The following DOT1L variants were observed in gnomAD, a reference collection of about 807,000 sequenced individuals.
DOT1L encodes the protein DOT1 like histone lysine methyltransferase.
In DOT1L, 33 loss-of-function variants were observed where a neutral mutation model predicts 153.3. That is an observed-to-expected ratio of 0.22 (90% CI 0.16 to 0.29). The LOEUF is 0.29. Among genes scored for constraint, DOT1L ranks in the 10% least tolerant of loss-of-function variants. The probability of loss-of-function intolerance (pLI) is 1.00; values close to 1 mark genes in which losing one functional copy is unlikely to be tolerated. For missense variants in DOT1L, 1,847 were observed against 2,119.9 expected, an observed-to-expected ratio of 0.87 and a Z score of 2.53; for synonymous variants, 1,135 against 965.1, an observed-to-expected ratio of 1.18 and a Z score of -3.26.
intron 14 of DOT1L, 21 bp from the exon 15 acceptor site, chr19:2,211,078 G>A (rs1361317614): frequency 1.2e-6 from 2 of 1,607,084 alleles, no homozygotes; most frequent in African/African-American, 1.3e-5. Context: ...CTGTGCTGAC[G>A]CCTGCCCTCC....
chr19:2,180,770 C>T lies in DOT1L; in HGVS notation c.125+14C>T. 1 of 1,613,844 alleles carries T rather than the reference C, an allele frequency of 6.2e-7. No homozygotes were observed. Among genetic ancestry groups the T allele is most frequent in the Non-Finnish European group, 8.5e-7 (1 of 1,179,988 alleles). On this transcript the variant is annotated intron_variant, in intron 2 of 27. Coordinates refer to ENST00000398665, the MANE Select transcript of DOT1L (RefSeq NM_032482.3). ...CGAGACCATCCGGTGAGTGCACGGCCTGCAGTGTGTTGTCTTCACAGCCCT... is the reference window on the plus strand; with the variant it reads ...CGAGACCATCCGGTGAGTGCACGGCTTGCAGTGTGTTGTCTTCACAGCCCT...
intron 25 of DOT1L, among the ~76,000 whole-genome samples, chr19:2,224,992 A>G (rs1181241555): frequency 2.6e-5 from 4 of 152,220 alleles, no homozygotes; most frequent in African/African-American, 4.8e-5. Flanking sequence ...CTGGCCTGCA[A>G]TGCTGTGGCA....
At chr19:2,206,643 C>T in intron 9 of DOT1L, 86 bp from the exon 10 acceptor site, 1 of 1,361,202 alleles carries the variant, frequency 7.3e-7, no homozygotes, top group South Asian at 1.2e-5. Context: ...TGTTCCGTGT[C>T]ATTGTTCCTT....
chr19:2,193,616 C>A lies in DOT1L; in HGVS notation c.494-73C>A. ...ATGGCCGCATTCTTGTGGCCTCTGTCTCCGAGCCTAGCACGGCCTCCCGGG... is the reference window on the plus strand; with the variant it reads ...ATGGCCGCATTCTTGTGGCCTCTGTATCCGAGCCTAGCACGGCCTCCCGGG... On this transcript the variant is annotated intron_variant, in intron 5 of 27. Coordinates refer to ENST00000398665, the MANE Select transcript of DOT1L (RefSeq NM_032482.3). The surrounding 1 kb of genome is among the most constrained non-coding windows in gnomAD (Gnocchi z 5.9). 1 of 1,478,116 alleles carries A rather than the reference C, an allele frequency of 6.8e-7. No homozygotes were observed. Among genetic ancestry groups the A allele is most frequent in the South Asian group, 1.2e-5 (1 of 85,350 alleles). The allele number at this position is 1,478,116 out of a possible 1,614,324, so 91.6% of individuals were successfully genotyped here.
At position 2,210,626 on chromosome 19, in the gene DOT1L, T is replaced by C; in HGVS notation, c.1122T>C (p.Ser374=). ...VAGPADAPMD[S]GAEEEKAGAA... The stretch of plus-strand genomic sequence containing the variant: ...TCTTCCCTTGTGTCCTCCAGGACTC[T>C]GGTGCTGAGGAAGAGAAGGCGGGAG... The change falls in exon 14 of 28, where the codon TCT becomes TCC. Residue 374 remains serine (S), a synonymous_variant. Coordinates refer to ENST00000398665, the MANE Select transcript of DOT1L (RefSeq NM_032482.3). The C allele has an allele frequency of 2.5e-6, 4 of 1,612,458 alleles. No individual in the cohort carries two copies. Among genetic ancestry groups the C allele is most frequent in the Middle Eastern group, 1.6e-4 (1 of 6,062 alleles).
chr19:2,218,491 T>G (rs1025829234), intron 22 of DOT1L, among the ~76,000 whole-genome samples: 25 of 151,910 alleles, frequency 1.6e-4, no homozygotes, highest in South Asian at 2.1e-4. Context: ...CCTCCCGGGT[T>G]CACGCCATTC....
At chr19:2,229,578 T>G in intron 27 of DOT1L, 9 of 985,456 alleles carry the variant, frequency 9.1e-6, no homozygotes, top group Non-Finnish European at 1.1e-5. Flanking sequence ...TTGGCCGGCG[T>G]GTCCAGGTGT....
intron 1 of DOT1L, among the ~76,000 whole-genome samples, chr19:2,174,240 T>TGAGTCC (rs1242484561): frequency 6.6e-6 from 1 of 152,234 alleles, no homozygotes; most frequent in Non-Finnish European, 1.5e-5. Flanking sequence ...TGTGGAGGTC[T>TGAGTCC]GAGTCCCCTT....
At chr19:2,181,976 G>A (rs1055191619) in intron 2 of DOT1L, among the ~76,000 whole-genome samples, 2 of 152,092 alleles carry the variant, frequency 1.3e-5, no homozygotes, top group South Asian at 4.1e-4. Flanking sequence ...TAATCCCAGC[G>A]CTTTGGAAGG....
chr19:2,184,983 G>A (rs1253927985), intron 2 of DOT1L, among the ~76,000 whole-genome samples: 1 of 152,194 alleles, frequency 6.6e-6, no homozygotes, highest in Admixed American at 6.5e-5. Flanking sequence ...GTGTCAAGAT[G>A]ACGCTGGCTG....
At position 2,208,376 on chromosome 19, in the gene DOT1L, C is replaced by T. The variant is rs944552106; in HGVS notation, c.964-559C>T. On this transcript the variant is annotated intron_variant, in intron 11 of 27. Coordinates refer to ENST00000398665, the MANE Select transcript of DOT1L (RefSeq NM_032482.3). The surrounding 1 kb of genome is among the most constrained non-coding windows in gnomAD (Gnocchi z 4.4). ...ACCCTCACTGTCCAGTGCTCGGAGC[C>T]TCCACTAGAGCCTGCCTGGGGAGCG... Among the ~76,000 whole-genome samples, 4 of 152,120 alleles carry T rather than the reference C, an allele frequency of 2.6e-5. No individual in the cohort carries two copies. Among genetic ancestry groups the T allele is most frequent in the Admixed American group, 2.6e-4 (4 of 15,280 alleles).
intron 8 of DOT1L, 94 bp downstream of exon 8, chr19:2,200,033 C>T (rs558526562): frequency 2.2e-4 from 334 of 1,488,400 alleles, no homozygotes; most frequent in Non-Finnish European, 2.9e-4. Context: ...GCCCCTCGCT[C>T]CTGTGCTGGC....
chr19:2,168,545 G>A (rs2020012773), intron 1 of DOT1L, among the ~76,000 whole-genome samples: 1 of 152,174 alleles, frequency 6.6e-6, no homozygotes, highest in East Asian at 1.9e-4. Context: ...ACGCAAGGGG[G>A]AGGAAGGGAG....
rs748968868 is a variant in DOT1L at position 2,226,883 on chromosome 19, G to A, written c.4362G>A (p.Ala1454=). The A allele has an allele frequency of 8.9e-6, 14 of 1,574,632 alleles. No homozygotes were observed. Among genetic ancestry groups the A allele is most frequent in the Admixed American group, 5.3e-5 (3 of 56,508 alleles). ...LAPAASSAGG[A]ASSAQTHRSF... ...CGGCGGCGTCCTCCGCAGGCGGCGC[G>A]GCGTCCTCCGCCCAGACGCACCGGT... The change falls in exon 27 of 28, where the codon GCG becomes GCA. Residue 1454 remains alanine (A), a synonymous_variant. Transcript: ENST00000398665.
intron 19 of DOT1L, chr19:2,215,974 T>C (rs2023882527): frequency 9.3e-6 from 3 of 321,120 alleles, no homozygotes; most frequent in African/African-American, 4.3e-5. Flanking sequence ...GTTTTACACT[T>C]AGTGAAACTG....
rs1263142309 is a variant in DOT1L at position 2,193,016 on chromosome 19, G to A, written c.494-673G>A. Among the ~76,000 whole-genome samples the A allele has an allele frequency of 1.3e-5, 2 of 152,194 alleles. No individual in the cohort carries two copies. The highest frequency in any genetic ancestry group is 4.8e-5 in the African/African-American group (2 of 41,446). On this transcript the variant is annotated intron_variant, in intron 5 of 27. Coordinates refer to ENST00000398665, the MANE Select transcript of DOT1L (RefSeq NM_032482.3). This position sits in a 1 kb window ranked among gnomAD's most constrained non-coding sequence, Gnocchi z 5.9. ...CCATGGTTCATGCCCGTTCCCTGGA[G>A]CACAGAGCTGCCTAGCAGGGGAGGA... is the stretch of plus-strand genomic sequence containing the variant.
chr19:2,180,844 G>T, intron 2 of DOT1L, 88 bp downstream of exon 2: 1 of 1,509,434 alleles, frequency 6.6e-7, no homozygotes, highest in South Asian at 1.2e-5. Flanking sequence ...TTGTGGGGAT[G>T]GCTCCTGCAG....
chr19:2,229,840 C>T lies in DOT1L; in HGVS notation c.*48C>T. The T allele has an allele frequency of 1.2e-6, 2 of 1,612,366 alleles. No homozygotes were observed. The highest frequency in any genetic ancestry group is 1.7e-6 in the Non-Finnish European group (2 of 1,179,884). On this transcript the variant is annotated 3_prime_UTR_variant, in exon 28 of 28. Coordinates refer to ENST00000398665, the MANE Select transcript of DOT1L (RefSeq NM_032482.3). Reference sequence around the variant, plus strand: ...CCTATGCAAGGACGGTGTGGACCAACTCGCGCCCGCGGCATGGTGCCCGCC... The same window carrying T: ...CCTATGCAAGGACGGTGTGGACCAATTCGCGCCCGCGGCATGGTGCCCGCC...
At position 2,225,433 on chromosome 19, in the gene DOT1L, C is replaced by G. The variant is rs1404880172; in HGVS notation, c.3642C>G (p.Pro1214=). The change falls in exon 26 of 28, where the codon CCC becomes CCG. Residue 1214 remains proline (P), a synonymous_variant. Transcript: ENST00000398665. ...CAATCTCCTTAGAAAGCAAATCTCC[C>G]CCGAAAACCTTGGAAAATGGTGAGT... is the stretch of plus-strand genomic sequence containing the variant. ...IATISLESKS[P]PKTLENGGGL... 5 of 1,614,046 alleles carry G rather than the reference C, an allele frequency of 3.1e-6. No homozygotes were observed. The highest frequency in any genetic ancestry group is 4.2e-6 in the Non-Finnish European group (5 of 1,180,034).
Sources: gnomAD v4.1 joint callset for allele counts (sites outside exome capture counted in the v4.1 genomes callset) on GRCh38, gnomAD v4.1.1 for gene constraint, Gnocchi (gnomAD v3.1) non-coding constraint, MANE v1.5 for transcripts, NCBI Gene and HGNC (gene_info 2026-07-23, HGNC 2026-07-21) for gene names.